The following FN1 variants were observed in gnomAD, a reference collection of about 807,000 sequenced individuals.
FN1 encodes the protein fibronectin.
FN1 carries 106 observed loss-of-function variants against 297.3 expected under a neutral mutation model. The ratio of observed to expected loss-of-function variants is 0.36; its 90% CI spans 0.30 to 0.42. The LOEUF (loss-of-function observed/expected upper bound fraction) is 0.42, where lower values mean the gene tolerates loss of function less well. Among genes scored for constraint, FN1 ranks in the 10% least tolerant of loss-of-function variants. FN1 has a pLI of 1.00. For synonymous variants in FN1, 1,149 were observed against 1,152.6 expected, an observed-to-expected ratio of 1.00 and a Z score of 0.06; for missense variants, 2,690 against 3,124.9, an observed-to-expected ratio of 0.86 and a Z score of 3.32.
At chr2:215,372,646 G>A (rs2056461080) in intron 39 of FN1, among the ~76,000 whole-genome samples, 1 of 152,204 alleles carries the variant, frequency 6.6e-6, no homozygotes, top group Admixed American at 6.5e-5. Context: ...CGTAGAAGCT[G>A]CCTCTGCTCA....
intron 13 of FN1, 60 bp downstream of exon 13, chr2:215,414,777 C>A (rs2063202252): frequency 6.2e-7 from 1 of 1,602,734 alleles, no homozygotes; most frequent in Admixed American, 1.7e-5. Flanking sequence ...AAAAAAGAAA[C>A]CATCAGAATT....
chr2:215,361,559 T>C lies in FN1; in HGVS notation c.7430A>G (p.Glu2477Gly). Residue 2477 changes from glutamate (E) to glycine (G), a missense_variant, in exon 46 of 46, where the codon GAG becomes GGG. By Grantham distance (98) the Glu-to-Gly change is moderately conservative (BLOSUM62 -2). Transcript: ENST00000354785. ...CCTCTGGATTGGAAAGATGATTTAC[T>C]CTCGGGAATCTTCTCTGTCAGCCTG... Reference protein sequence around the residue: ...DVQADREDSRE With the variant: ...DVQADREDSRG 1.2e-6 allele frequency: 2 copies of C among 1,600,938 alleles called. No homozygotes were observed. The highest frequency in any genetic ancestry group is 1.7e-6 in the Non-Finnish European group (2 of 1,168,034).
At chr2:215,406,557 T>A in intron 18 of FN1, 47 bp from the exon 19 acceptor site, 1 of 1,597,602 alleles carries the variant, frequency 6.3e-7, no homozygotes, top group South Asian at 1.1e-5. Context: ...TGCTGAAGAT[T>A]ACTTTTAAGA....
At chr2:215,401,023 T>TGAC (rs1039882401) in intron 20 of FN1, among the ~76,000 whole-genome samples, 1 of 149,766 alleles carries the variant, frequency 6.7e-6, no homozygotes, top group Non-Finnish European at 1.5e-5. Context: ...CTCGAACTCC[T>TGAC]GACCTTAGGT....
In FN1 at chr2:215,419,165, T is replaced by C. The variant is rs1178555083; in HGVS notation, c.1819+77A>G. ...AGAGGGGAGACCCCCAACTTAGGCA[T>C]GAGAGCATTAATAATCACTGCCCTG... On this transcript the variant is annotated intron_variant, in intron 12 of 45. Transcript: ENST00000354785. The C allele has an allele frequency of 3.9e-6, 5 of 1,291,754 alleles. No homozygotes were observed. In the East Asian group the frequency reaches 1.2e-4, roughly 30 times the overall value. 80.0% of individuals were successfully genotyped at this position (1,291,754 alleles called of 1,614,324 possible). A position where few individuals can be genotyped will look rare whatever the true frequency, so the allele number is the denominator to read the frequency against.
intron 5 of FN1, among the ~76,000 whole-genome samples, chr2:215,428,992 G>A (rs2065986896): frequency 6.6e-6 from 1 of 152,098 alleles, no homozygotes; most frequent in South Asian, 2.1e-4. Flanking sequence ...TCCAGCCTGG[G>A]CGACAGGGTG....
intron 2 of FN1, among the ~76,000 whole-genome samples, chr2:215,434,322 T>C (rs1179649100): frequency 1.3e-5 from 2 of 152,224 alleles, no homozygotes; most frequent in African/African-American, 2.4e-5. Context: ...CATTTTACGA[T>C]GTAAGTCCCC....
chr2:215,413,900 C>T (rs1303295421), intron 13 of FN1, among the ~76,000 whole-genome samples: 3 of 152,256 alleles, frequency 2.0e-5, no homozygotes, highest in South Asian at 2.1e-4. Flanking sequence ...TGCGTCTAGA[C>T]GTGGTTCTTT....
At chr2:215,421,391 G>T (rs755651952) in intron 10 of FN1, 5 of 187,566 alleles carry the variant, frequency 2.7e-5, no homozygotes, top group Admixed American at 5.4e-5. Context: ...TCTATATAGA[G>T]TGAGGTCTCT....
At chr2:215,373,043 C>T (rs2056554143) in intron 39 of FN1, among the ~76,000 whole-genome samples, 1 of 152,056 alleles carries the variant, frequency 6.6e-6, no homozygotes, top group South Asian at 2.1e-4. Context: ...AATGATAGCT[C>T]TTCTTTTACA....
chr2:215,387,520 G>A (rs1019090718), intron 27 of FN1, among the ~76,000 whole-genome samples: 2 of 152,152 alleles, frequency 1.3e-5, no homozygotes, highest in African/African-American at 4.8e-5. Flanking sequence ...AATTCCTCGT[G>A]AATTGACAGT....
Position 215,391,743 on chromosome 2 carries a change from G to T in FN1, c.4141C>A (p.Pro1381Thr). 1 of 1,614,138 alleles carries T rather than the reference G, an allele frequency of 6.2e-7. No homozygotes were observed. The highest frequency in any genetic ancestry group is 8.5e-7 in the Non-Finnish European group (1 of 1,179,982). ...AAGTTGGTTAAATCAATGGATGGGG[G>T]TGGAGCCCAGGTGACACGCATGGTG... is the stretch of plus-strand genomic sequence containing the variant. ...PDTMRVTWAPPPSIDLTNFLV... is the reference protein window; with the variant it reads ...PDTMRVTWAPTPSIDLTNFLV... Residue 1381 changes from proline (P) to threonine (T), a missense_variant, in exon 26 of 46, where the codon CCC (proline) becomes ACC (threonine). Pro to Thr is a conservative substitution (Grantham distance 38, BLOSUM62 -1). Coordinates refer to ENST00000354785, the MANE Select transcript of FN1 (RefSeq NM_212482.4).
chr2:215,430,892 A>G, intron 4 of FN1, 40 bp from the exon 5 acceptor site: 2 of 1,610,014 alleles, frequency 1.2e-6, no homozygotes, highest in Non-Finnish European at 1.7e-6. Flanking sequence ...AAAAAAGGTT[A>G]TTTTGAATTG....
intron 40 of FN1, among the ~76,000 whole-genome samples, chr2:215,371,096 C>A (rs184582676): frequency 2.0e-5 from 3 of 149,116 alleles, no homozygotes; most frequent in African/African-American, 7.3e-5. Context: ...CGTGAAACCC[C>A]GTCTCTACTA....
In FN1 at chr2:215,406,418, C is replaced by T. The variant is rs756317039; in HGVS notation, c.2806G>A (p.Gly936Ser). 18 of 1,614,028 alleles carry T rather than the reference C, an allele frequency of 1.1e-5. No individual in the cohort carries two copies. The highest frequency in any genetic ancestry group is 3.3e-5 in the Admixed American group (2 of 60,000). The change falls in exon 19 of 46, where the codon GGC (glycine) becomes AGC (serine). Residue 936 changes from glycine to serine, a missense_variant. By Grantham distance (56) the Gly-to-Ser change is moderately conservative. Coordinates refer to ENST00000354785, the MANE Select transcript of FN1 (RefSeq NM_212482.4). The part of the protein sequence containing the change: ...MWTPPESAVT[G>S]YRVDVIPVNL... ...ACGGGGATCACATCCACACGGTAGC[C>T]GGTCACTGCACTCTCAGGCGGTGTC... is the stretch of plus-strand genomic sequence containing the variant.
intron 23 of FN1, among the ~76,000 whole-genome samples, chr2:215,395,868 A>C (rs2060249962): frequency 6.6e-6 from 1 of 151,994 alleles, no homozygotes; most frequent in Non-Finnish European, 1.5e-5. Flanking sequence ...CATTGAGACG[A>C]GATATTAATG....
chr2:215,372,098 G>T lies in FN1; in HGVS notation c.6525C>A (p.Ile2175=). Reference sequence around the variant, plus strand: ...CTTCCCTGGGGATGTGACCAATTTGGATTTCCTCACCTACATTCGGCGGGT... The same window carrying T: ...CTTCCCTGGGGATGTGACCAATTTGTATTTCCTCACCTACATTCGGCGGGT... ...RPYPPNVGEE[I]QIGHIPREDV... The change falls in exon 40 of 46, where the codon ATC becomes ATA. Residue 2175 remains isoleucine (I), a synonymous_variant. Coordinates refer to ENST00000354785, the MANE Select transcript of FN1 (RefSeq NM_212482.4). 11 of 1,614,210 alleles carry T rather than the reference G, an allele frequency of 6.8e-6. No individual in the cohort carries two copies. Among genetic ancestry groups the T allele is most frequent in the Non-Finnish European group, 8.5e-6 (10 of 1,180,018 alleles).
intron 3 of FN1, 124 bp from the exon 4 acceptor site, chr2:215,432,088 T>TGGGAAAG: frequency 9.0e-7 from 1 of 1,115,638 alleles, no homozygotes; most frequent in Non-Finnish European, 1.3e-6. Context: ...AGCTTTCCCA[T>TGGGAAAG]CAGAGACAGG....
intron 28 of FN1, among the ~76,000 whole-genome samples, chr2:215,385,668 G>A (rs1455063154): frequency 6.6e-6 from 1 of 151,752 alleles, no homozygotes; most frequent in Non-Finnish European, 1.5e-5. Context: ...CAGATAACAT[G>A]ATGCTACTGT....
Sources: allele counts gnomAD v4.1 joint callset (sites outside exome capture counted in the v4.1 genomes callset), GRCh38; gene constraint gnomAD v4.1.1; transcripts MANE v1.5; gene names NCBI Gene and HGNC (gene_info 2026-07-23, HGNC 2026-07-21).